CRISP2: variants seen among roughly 807,000 people sequenced by gnomAD.
The protein encoded by CRISP2 is cysteine-rich secretory protein 2.
Under a neutral mutation model 31.7 loss-of-function variants are expected in CRISP2, and 29 were observed. The observed-to-expected ratio is 0.92, with a 90% CI of 0.68 to 1.25. The LOEUF is 1.25. CRISP2 is among the 50% of genes most tolerant of loss of function. The pLI is 0.00. For synonymous variants in CRISP2, 111 were observed against 101.4 expected (o/e 1.09, Z -0.57); for missense variants, 318 against 286.5 (o/e 1.11, Z -0.79).
chr6:49,688,905 G>T (rs576308987), downstream of CRISP2, among the ~76,000 whole-genome samples: 3 of 151,746 alleles, frequency 2.0e-5, no homozygotes, highest in South Asian at 6.3e-4. Context: ...TTTTATTCTC[G>T]TTGCCCAGGC....
At chr6:49,697,990 G>C in intron 7 of CRISP2, 33 bp from the exon 8 acceptor site, 1 of 1,460,846 alleles carries the variant, frequency 6.8e-7, no homozygotes, top group Non-Finnish European at 9.3e-7. Flanking sequence ...ATATATAAAA[G>C]TACATTAGAG....
intron 8 of CRISP2, among the ~76,000 whole-genome samples, chr6:49,697,302 C>CA (rs1764933417): frequency 6.6e-6 from 1 of 152,048 alleles, no homozygotes; most frequent in African/African-American, 2.4e-5. Context: ...TTCTGAGAAT[C>CA]AGAGACTTAA....
chr6:49,702,627 T>A (rs113251096), intron 4 of CRISP2, among the ~76,000 whole-genome samples: 5,067 of 152,138 alleles, frequency 0.033, 300 homozygotes, highest in African/African-American at 0.12. Context: ...TGTCTACTCA[T>A]GCCCTTAGCC....
Position 49,700,977 on chromosome 6 carries a change from G to A in CRISP2, c.67-193C>T, listed in dbSNP as rs113440602. 6.3e-3 allele frequency among the ~76,000 whole-genome samples: 957 copies of A among 152,052 alleles called. 7 individuals are homozygous for A. The highest frequency in any genetic ancestry group is 0.021 in the African/African-American group (870 of 41,460). ...TGTTAAGCATTGCCACTAAATCTGA[G>A]TTGAAGATATAACTTTTAAATAGTA... On this transcript the variant is annotated intron_variant, in intron 4 of 9. Coordinates refer to ENST00000339139, the MANE Select transcript of CRISP2 (RefSeq NM_003296.4).
chr6:49,695,849 G>C lies in CRISP2; in HGVS notation c.591C>G (p.Asp197Glu). 1.2e-6 allele frequency: 2 copies of C among 1,611,494 alleles called. No individual in the cohort carries two copies. Among genetic ancestry groups the C allele is most frequent in the Non-Finnish European group, 1.7e-6 (2 of 1,178,138 alleles). Reference protein sequence around the residue: ...TPCAGCPDDCDKGLCTNSCQY... With the variant: ...TPCAGCPDDCEKGLCTNSCQY... ...CTTCAAACTTACTGCATAGTCCTTT[G>C]TCACAGTCATCAGGGCAACCGGCAC... is the stretch of plus-strand genomic sequence containing the variant. Residue 197 changes from aspartate to glutamate, a missense_variant, in exon 9 of 10, where the codon GAC (aspartate) becomes GAG (glutamate). By Grantham distance (45) the Asp-to-Glu change is conservative (BLOSUM62 2). Transcript: ENST00000339139.
At position 49,699,800 on chromosome 6, in the gene CRISP2, A is replaced by C. The variant is rs929225609; in HGVS notation, c.271+4T>G. On this transcript the variant is annotated splice_donor_region_variant and intron_variant, in intron 6 of 9. Coordinates refer to ENST00000339139, the MANE Select transcript of CRISP2 (RefSeq NM_003296.4). The stretch of plus-strand genomic sequence containing the variant: ...ATTCAACAAATATTTACTAATTTAC[A>C]TACTGGTTTTGCGGTCCTCTGGATC... The C allele has an allele frequency of 6.3e-7, 1 of 1,596,514 alleles. No homozygotes were observed. Among genetic ancestry groups the C allele is most frequent in the East Asian group, 2.2e-5 (1 of 44,682 alleles).
At chr6:49,701,686 T>TATATATGTATACATA (rs1765834498) in intron 4 of CRISP2, among the ~76,000 whole-genome samples, 12 of 116,938 alleles carry the variant, frequency 1.0e-4, no homozygotes, top group Non-Finnish European at 5.0e-5. Flanking sequence ...ATGTATACAT[T>TATATATGTATACATA]ATATATGTAT....
chr6:49,678,186 A>C, the CRISP2 span, among the ~76,000 whole-genome samples: 1 of 152,200 alleles, frequency 6.6e-6, no homozygotes, highest in African/African-American at 2.4e-5. Flanking sequence ...CAACACAACA[A>C]GTATACCCTG....
chr6:49,681,303 T>C, the CRISP2 span, among the ~76,000 whole-genome samples: 23 of 152,192 alleles, frequency 1.5e-4, no homozygotes, highest in Non-Finnish European at 2.6e-4. Flanking sequence ...CAGATAGTTG[T>C]AGGTGTGCTG....
chr6:49,679,024 T>C, the CRISP2 span, among the ~76,000 whole-genome samples: 4 of 152,194 alleles, frequency 2.6e-5, no homozygotes, highest in Non-Finnish European at 5.9e-5. Flanking sequence ...TGTTAACATT[T>C]AATATCAGAA....
At chr6:49,698,002 A>C (rs1440902205) in intron 7 of CRISP2, 45 bp from the exon 8 acceptor site, 1 of 1,408,962 alleles carries the variant, frequency 7.1e-7, no homozygotes, top group African/African-American at 1.4e-5. Flanking sequence ...ACATTAGAGA[A>C]GATGAAAAAT....
At chr6:49,695,306 A>C (rs1764558688) in intron 9 of CRISP2, among the ~76,000 whole-genome samples, 1 of 152,202 alleles carries the variant, frequency 6.6e-6, no homozygotes, top group Non-Finnish European at 1.5e-5. Context: ...ACACAAAACA[A>C]TTATGAAATT....
At chr6:49,712,951 G>A (rs1768302404) in intron 1 of CRISP2, among the ~76,000 whole-genome samples, 2 of 152,012 alleles carry the variant, frequency 1.3e-5, no homozygotes, top group Admixed American at 6.5e-5. Context: ...ATTTCCATAA[G>A]CAGTGTCCCA....
intron 4 of CRISP2, among the ~76,000 whole-genome samples, chr6:49,703,176 T>C (rs1277599624): frequency 7.1e-6 from 1 of 140,874 alleles, no homozygotes; most frequent in Non-Finnish European, 1.6e-5. Context: ...CATTGGTCTA[T>C]GTGCCTATTT....
chr6:49,702,542 A>G (rs1344534149), intron 4 of CRISP2, among the ~76,000 whole-genome samples: 1 of 151,722 alleles, frequency 6.6e-6, no homozygotes, highest in Non-Finnish European at 1.5e-5. Flanking sequence ...TTCGATTTGC[A>G]TTTCCCTGAT....
At chr6:49,678,077 C>A in the CRISP2 span, among the ~76,000 whole-genome samples, 2 of 152,154 alleles carry the variant, frequency 1.3e-5, no homozygotes, top group Non-Finnish European at 2.9e-5. Context: ...TCTGAGATAA[C>A]ATACTTGCAG....
downstream of CRISP2, among the ~76,000 whole-genome samples, chr6:49,689,860 CTCTT>C (rs1286845003): frequency 1.3e-5 from 2 of 152,050 alleles, no homozygotes; most frequent in Non-Finnish European, 2.9e-5. Flanking sequence ...TTCCACATCA[CTCTT>C]TCTTTCCAGA....
the CRISP2 span, among the ~76,000 whole-genome samples, chr6:49,676,681 C>A: frequency 6.6e-6 from 1 of 152,084 alleles, no homozygotes; most frequent in South Asian, 2.1e-4. Context: ...TTAATAATCA[C>A]AAGGCCTTTG....
At chr6:49,696,217 T>C (rs1454512988) in intron 8 of CRISP2, among the ~76,000 whole-genome samples, 1 of 146,780 alleles carries the variant, frequency 6.8e-6, no homozygotes, top group Non-Finnish European at 1.5e-5. Flanking sequence ...TTATCTCCCA[T>C]TATATTTAGT....
Sources: gnomAD v4.1 joint callset for allele counts (sites outside exome capture counted in the v4.1 genomes callset) on GRCh38, gnomAD v4.1.1 for gene constraint, MANE v1.5 for transcripts, NCBI Gene and HGNC (gene_info 2026-07-23, HGNC 2026-07-21) for gene names.